NLRC5: variants seen among roughly 807,000 people sequenced by gnomAD.
The protein encoded by NLRC5 is NLR family CARD domain containing 5.
NLRC5 carries 114 observed loss-of-function variants against 206.9 expected under a neutral mutation model. That is an observed-to-expected ratio of 0.55 (90% CI 0.47 to 0.64). The LOEUF is 0.64. Among genes scored for constraint, NLRC5 ranks in the 30% least tolerant of loss-of-function variants. NLRC5 has a pLI of 0.00. For missense variants in NLRC5, 2,008 were observed against 2,305.5 expected (o/e 0.87, Z 2.64); for synonymous variants, 952 against 962.8 (o/e 0.99, Z 0.21).
At chr16:57,009,592 CA>C (rs1190434590) in intron 1 of NLRC5, among the ~76,000 whole-genome samples, 27 of 145,780 alleles carry the variant, frequency 1.9e-4, no homozygotes, top group South Asian at 2.2e-4. Context: ...GACTCCATTT[CA>C]AAAAAAAAAA....
At chr16:57,011,720 CAA>C (rs34446834) in intron 1 of NLRC5, among the ~76,000 whole-genome samples, 2,275 of 135,706 alleles carry the variant, frequency 0.017, 27 homozygotes, top group African/African-American at 0.044. Context: ...GACCCTGTGT[CAA>C]AAAAAAAAAA....
chr16:56,994,653 AG>A (rs1471753788), intron 1 of NLRC5, among the ~76,000 whole-genome samples: 1 of 152,068 alleles, frequency 6.6e-6, no homozygotes, highest in African/African-American at 2.4e-5. Context: ...GACATTTGAG[AG>A]AGAACTTGAA....
chr16:57,034,756 C>G (rs2062316692), intron 13 of NLRC5: 1 of 152,730 alleles, frequency 6.5e-6, no homozygotes, highest in South Asian at 2.0e-4. Context: ...GGATAACCTT[C>G]TCTTTTCGGG....
Position 57,061,478 on chromosome 16 carries a change from C to T in NLRC5, c.4017C>T (p.His1339=), listed in dbSNP as rs754813620. The T allele has an allele frequency of 1.8e-5, 29 of 1,611,202 alleles. No individual in the cohort carries two copies. The highest frequency in any genetic ancestry group is 3.3e-4 in the Middle Eastern group (2 of 6,080). ...GTGAGTGCAGCTTCCGGCCAGAGCA[C>T]GTGTCCAGGCTGGCCACCGGCTTGA... ...RLSECSFRPE[H]VSRLATGLSK... The change falls in exon 31 of 49, where the codon CAC becomes CAT. Residue 1339 remains histidine, a synonymous_variant. Transcript: ENST00000688547.
intron 32 of NLRC5, among the ~76,000 whole-genome samples, chr16:57,063,332 T>G (rs1277073597): frequency 6.6e-6 from 1 of 151,868 alleles, no homozygotes; most frequent in Non-Finnish European, 1.5e-5. Flanking sequence ...GCGAGGCTGG[T>G]CTCGAACTCC....
intron 1 of NLRC5, among the ~76,000 whole-genome samples, chr16:57,005,498 TAAAAA>T: frequency 6.9e-6 from 1 of 144,576 alleles, no homozygotes; most frequent in South Asian, 2.2e-4. Context: ...ATCTTAATAT[TAAAAA>T]AAAAAAAAAG....
intron 46 of NLRC5, 141 bp from the exon 47 acceptor site, chr16:57,080,957 A>T (rs2069059564): frequency 6.1e-6 from 4 of 654,808 alleles, no homozygotes; most frequent in Non-Finnish European, 1.1e-5. Flanking sequence ...AGGGGAGGAC[A>T]CACAAGCACC....
At chr16:57,058,235 T>TG in intron 28 of NLRC5, 87 bp downstream of exon 28, 3 of 1,103,268 alleles carry the variant, frequency 2.7e-6, no homozygotes, top group Non-Finnish European at 2.7e-6. Flanking sequence ...TCTGAGGGCA[T>TG]CCCCCAGAGC....
chr16:57,008,994 A>T (rs902338742), intron 1 of NLRC5, among the ~76,000 whole-genome samples: 1 of 152,242 alleles, frequency 6.6e-6, no homozygotes, highest in African/African-American at 2.4e-5. Context: ...GAAGAGATTT[A>T]AAATTATAAG....
Position 57,025,879 on chromosome 16 carries a change from C to T in NLRC5, c.936C>T (p.Ala312=). Residue 312 remains alanine, a synonymous_variant, in exon 6 of 49, where the codon GCC becomes GCT. Coordinates refer to ENST00000688547, the MANE Select transcript of NLRC5 (RefSeq NM_001384950.1). ...TGATCTTTGATGGGCTAGATGAGGC[C>T]CTCCAGCCTATGGGTCCTGATGGCC... is the stretch of plus-strand genomic sequence containing the variant. ...VLLIFDGLDE[A]LQPMGPDGPG... The T allele has an allele frequency of 1.9e-6, 3 of 1,614,210 alleles. No homozygotes were observed. Among genetic ancestry groups the T allele is most frequent in the African/African-American group, 2.7e-5 (2 of 75,054 alleles).
intron 1 of NLRC5, among the ~76,000 whole-genome samples, chr16:57,006,888 C>CATTATTATTATTATTATT (rs9302685): frequency 0.024 from 3,395 of 144,002 alleles, 69 homozygotes; most frequent in Non-Finnish European, 0.026. Context: ...ACCGTTAACA[C>CATTATTATTATTATTATT]ATTATTATTA....
At chr16:57,044,465 G>A (rs2063691679) in intron 20 of NLRC5, among the ~76,000 whole-genome samples, 1 of 152,134 alleles carries the variant, frequency 6.6e-6, no homozygotes, top group Admixed American at 6.5e-5. Flanking sequence ...TGATTTTCAG[G>A]GGAGGTCTGC....
chr16:57,030,885 G>T (rs1457401362), intron 10 of NLRC5, among the ~76,000 whole-genome samples: 4 of 152,204 alleles, frequency 2.6e-5, no homozygotes, highest in African/African-American at 9.6e-5. Flanking sequence ...AAGGCAAGAG[G>T]ATTACTTGAG....
chr16:57,026,889 C>T lies in NLRC5; in HGVS notation c.1946C>T (p.Thr649Ile). Residue 649 changes from threonine to isoleucine, a missense_variant, in exon 6 of 49, where the codon ACC becomes ATC. Thr to Ile is a moderately conservative substitution (Grantham distance 89). Coordinates refer to ENST00000688547, the MANE Select transcript of NLRC5 (RefSeq NM_001384950.1). ...TTCCACAATTTCCCACTGACCTGCA[C>T]CGACCTGGCCACCCTGACCAACATC... is the stretch of plus-strand genomic sequence containing the variant. ...LPFHNFPLTC[T>I]DLATLTNILE... 1 of 1,614,226 alleles carries T rather than the reference C, an allele frequency of 6.2e-7. No homozygotes were observed. Among genetic ancestry groups the T allele is most frequent in the Non-Finnish European group, 8.5e-7 (1 of 1,180,044 alleles).
At position 57,076,833 on chromosome 16, in the gene NLRC5, G is replaced by A; in HGVS notation, c.4766G>A (p.Ser1589Asn). 3 of 1,614,162 alleles carry A rather than the reference G, an allele frequency of 1.9e-6. No homozygotes were observed. Among genetic ancestry groups the A allele is most frequent in the Non-Finnish European group, 2.5e-6 (3 of 1,180,032 alleles). ...CLQSLRLNRN[S>N]IGDVGCCHLS... ...TGCTTTTCCAGACTGAACAGGAACAGTATCGGTGATGTCGGTTGCTGCCAC... is the reference window on the plus strand; with the variant it reads ...TGCTTTTCCAGACTGAACAGGAACAATATCGGTGATGTCGGTTGCTGCCAC... The change falls in exon 40 of 49, where the codon AGT (serine) becomes AAT (asparagine). Residue 1589 changes from serine to asparagine, a missense_variant. Ser to Asn is a conservative substitution (Grantham distance 46, BLOSUM62 1). Coordinates refer to ENST00000688547, the MANE Select transcript of NLRC5 (RefSeq NM_001384950.1).
At chr16:57,025,221 C>A in intron 5 of NLRC5, 147 bp from the exon 6 acceptor site, 1 of 1,370,140 alleles carries the variant, frequency 7.3e-7, no homozygotes, top group Non-Finnish European at 9.6e-7. Context: ...ACAGATCCCC[C>A]TATGGTGCTC....
intron 48 of NLRC5, 72 bp from the exon 49 acceptor site, chr16:57,082,345 C>T: frequency 8.0e-7 from 1 of 1,255,474 alleles, no homozygotes; most frequent in Admixed American, 1.9e-5. Context: ...TGGGCCTCAG[C>T]CTCCCAATCT....
At chr16:57,010,896 C>CTTT (rs66785727) in intron 1 of NLRC5, among the ~76,000 whole-genome samples, 1 of 145,040 alleles carries the variant, frequency 6.9e-6, no homozygotes, top group East Asian at 2.3e-4. Context: ...GTTCTTGTGG[C>CTTT]TTTTTTTAAA....
At chr16:57,073,110 C>G (rs1351696337) in intron 38 of NLRC5, among the ~76,000 whole-genome samples, 1 of 152,154 alleles carries the variant, frequency 6.6e-6, no homozygotes, top group Non-Finnish European at 1.5e-5. Context: ...ATGCATTCGA[C>G]AAATATGTAC....
Sources: gnomAD v4.1 joint callset for allele counts (sites outside exome capture counted in the v4.1 genomes callset) on GRCh38, gnomAD v4.1.1 for gene constraint, MANE v1.5 for transcripts, NCBI Gene and HGNC (gene_info 2026-07-23, HGNC 2026-07-21) for gene names.